Variants in STAU2 observed in about 807,000 individuals in gnomAD.
The protein encoded by STAU2 is double-stranded RNA-binding protein Staufen homolog 2.
Under a neutral mutation model 65.9 loss-of-function variants are expected in STAU2, and 20 were observed. The observed-to-expected ratio is 0.30, with a 90% CI of 0.21 to 0.44. The LOEUF is 0.44. Among genes scored for constraint, STAU2 ranks in the 20% least tolerant of loss-of-function variants. The pLI, the probability that STAU2 is intolerant of heterozygous loss-of-function variation, is 1.00. For missense variants in STAU2, 558 were observed against 683.9 expected (o/e 0.82, Z 2.05); for synonymous variants, 232 against 233.9 (o/e 0.99, Z 0.07).
chr8:73,550,717 T>C (rs776339239), intron 13 of STAU2: 1 of 987,470 alleles, frequency 1.0e-6, no homozygotes, highest in Non-Finnish European at 1.2e-6. Context: ...ATTGTAACTT[T>C]AAATTAAGTG....
At chr8:73,664,309 C>CCA (rs1003010196) in intron 6 of STAU2, among the ~76,000 whole-genome samples, 2 of 152,168 alleles carry the variant, frequency 1.3e-5, no homozygotes, top group African/African-American at 4.8e-5. Context: ...CAGGCATGAG[C>CCA]CACCGTACCA....
At position 73,659,652 on chromosome 8, in the gene STAU2, T is replaced by C. The variant is rs146572902; in HGVS notation, c.410+13455A>G. Among the ~76,000 whole-genome samples the C allele has an allele frequency of 2.9e-3, 440 of 152,254 alleles. 2 individuals carry two copies. The highest frequency in any genetic ancestry group is 0.024 in the Middle Eastern group (7 of 294). ...GCTCAACTGAACAAAAAAATAAAGA[T>C]ATTGGTGAAAGAGCATTGCTTCAAA... On this transcript the variant is annotated intron_variant, in intron 6 of 14. Coordinates refer to ENST00000524300, the MANE Select transcript of STAU2 (RefSeq NM_001164380.2).
At chr8:73,610,193 C>T (rs1812341148) in intron 9 of STAU2, among the ~76,000 whole-genome samples, 2 of 150,956 alleles carry the variant, frequency 1.3e-5, no homozygotes, top group Non-Finnish European at 2.9e-5. Flanking sequence ...GAGGATCACT[C>T]GAGACCAGAA....
At chr8:73,679,094 GAATT>G (rs1818213183) in intron 5 of STAU2, among the ~76,000 whole-genome samples, 1 of 152,138 alleles carries the variant, frequency 6.6e-6, no homozygotes, top group South Asian at 2.1e-4. Context: ...GTAACCACTT[GAATT>G]AATCAGTTAA....
intron 13 of STAU2, chr8:73,441,054 T>C (rs1239559929): frequency 6.6e-6 from 1 of 152,210 alleles, no homozygotes; most frequent in Non-Finnish European, 1.5e-5. Flanking sequence ...TTCATCCAGG[T>C]CTCTTCTCCA....
intron 13 of STAU2, among the ~76,000 whole-genome samples, chr8:73,515,015 A>G (rs1435153171): frequency 2.6e-5 from 4 of 152,360 alleles, no homozygotes; most frequent in Middle Eastern, 3.4e-3. Flanking sequence ...TTGATCTTCA[A>G]TGAAAATTCT....
intron 6 of STAU2, among the ~76,000 whole-genome samples, chr8:73,656,497 CA>C (rs1199698091): frequency 5.9e-5 from 9 of 152,288 alleles, no homozygotes; most frequent in Non-Finnish European, 8.8e-5. Context: ...GGAAATATTC[CA>C]AAACAGTATT....
intron 13 of STAU2, among the ~76,000 whole-genome samples, chr8:73,445,938 C>T (rs1309856652): frequency 8.5e-5 from 13 of 152,212 alleles, no homozygotes. Flanking sequence ...AAAAACTAAA[C>T]ATTCACTTAC....
chr8:73,704,557 C>A (rs189795321), intron 4 of STAU2, among the ~76,000 whole-genome samples: 1 of 152,122 alleles, frequency 6.6e-6, no homozygotes, highest in African/African-American at 2.4e-5. Context: ...AGACATAGTT[C>A]TTTTAAAAAC....
At position 73,509,375 on chromosome 8, in the gene STAU2, T is replaced by C. The variant is rs1337853124; in HGVS notation, c.1530+42637A>G. Among the ~76,000 whole-genome samples the C allele has an allele frequency of 2.0e-5, 3 of 152,336 alleles. No individual in the cohort carries two copies. The South Asian group carries it at 6.2e-4, about 32-fold the overall frequency. On this transcript the variant is annotated intron_variant, in intron 13 of 14. Coordinates refer to ENST00000524300, the MANE Select transcript of STAU2 (RefSeq NM_001164380.2). ...ATTATTGAGATATAGGAGCTCTTTA[T>C]ATAAACTACATACAATTCATTAATC...
intron 6 of STAU2, among the ~76,000 whole-genome samples, chr8:73,620,767 A>C (rs1257542909): frequency 6.6e-6 from 1 of 152,212 alleles, no homozygotes. Flanking sequence ...TGGATGCCTG[A>C]CTTATTTCAT....
chr8:73,728,184 C>T (rs951756853), intron 3 of STAU2: 4 of 152,100 alleles, frequency 2.6e-5, no homozygotes, highest in African/African-American at 9.7e-5. Flanking sequence ...GTCCCCAAAC[C>T]ATTTGAAGAG....
At chr8:73,557,016 T>C (rs1807837891) in intron 12 of STAU2, among the ~76,000 whole-genome samples, 1 of 135,650 alleles carries the variant, frequency 7.4e-6, no homozygotes, top group Non-Finnish European at 1.7e-5. Context: ...AAACATTATA[T>C]ATATTTTAGT....
intron 13 of STAU2, among the ~76,000 whole-genome samples, chr8:73,452,132 G>A (rs558728567): frequency 6.6e-5 from 10 of 152,312 alleles, no homozygotes; most frequent in South Asian, 2.1e-4. Context: ...GCATCCAGGG[G>A]CTCGCTTTCT....
At chr8:73,488,714 C>T (rs1476409640) in intron 13 of STAU2, among the ~76,000 whole-genome samples, 1 of 148,736 alleles carries the variant, frequency 6.7e-6, no homozygotes, top group Non-Finnish European at 1.5e-5. Flanking sequence ...CTATACCAGA[C>T]TATCAAAATC....
intron 1 of STAU2, among the ~76,000 whole-genome samples, chr8:73,743,699 C>A (rs1312293312): frequency 1.3e-5 from 2 of 151,556 alleles, no homozygotes; most frequent in East Asian, 3.9e-4. Flanking sequence ...TCTCGAACCC[C>A]CAACCCTCAG....
At chr8:73,543,638 A>G (rs1029544218) in intron 13 of STAU2, among the ~76,000 whole-genome samples, 9 of 152,108 alleles carry the variant, frequency 5.9e-5, no homozygotes, top group Admixed American at 2.0e-4. Flanking sequence ...CTTCCACACT[A>G]CCATTCTGAT....
intron 13 of STAU2, among the ~76,000 whole-genome samples, chr8:73,545,837 C>T (rs1402070888): frequency 1.4e-5 from 2 of 148,026 alleles, no homozygotes; most frequent in African/African-American, 5.0e-5. Context: ...TTAGTAGAGA[C>T]GGGGTTTCAC....
intron 6 of STAU2, among the ~76,000 whole-genome samples, chr8:73,664,682 C>G (rs960727833): frequency 6.6e-6 from 1 of 152,042 alleles, no homozygotes; most frequent in African/African-American, 2.4e-5. Context: ...ATTTAATTTG[C>G]TGATATTTTG....
Sources: allele counts gnomAD v4.1 joint callset (sites outside exome capture counted in the v4.1 genomes callset), GRCh38; gene constraint gnomAD v4.1.1; transcripts MANE v1.5; gene names NCBI Gene and HGNC (gene_info 2026-07-23, HGNC 2026-07-21).